PTPRN2: variants seen among roughly 807,000 people sequenced by gnomAD.
PTPRN2 encodes the protein receptor-type tyrosine-protein phosphatase N2.
Under a neutral mutation model 118.8 loss-of-function variants are expected in PTPRN2, and 74 were observed. The observed-to-expected ratio is 0.62, with a 90% CI of 0.52 to 0.76. PTPRN2 has a LOEUF of 0.76. Ranked by LOEUF, PTPRN2 falls within the 30% of genes least tolerant of loss-of-function variation. The pLI, the probability that PTPRN2 is intolerant of heterozygous loss-of-function variation, is 0.00. For missense variants in PTPRN2, 1,481 were observed against 1,394.4 expected (o/e 1.06, Z -0.99); for synonymous variants, 641 against 608.0 (o/e 1.05, Z -0.80).
chr7:157,900,498 C>T (rs191616073), intron 11 of PTPRN2, among the ~76,000 whole-genome samples: 12 of 152,330 alleles, frequency 7.9e-5, no homozygotes, highest in East Asian at 5.8e-4. Context: ...CCAGACACTT[C>T]GGTGGCCCTT....
At chr7:158,066,709 C>CGTA (rs1160215825) in intron 11 of PTPRN2, among the ~76,000 whole-genome samples, 1 of 152,040 alleles carries the variant, frequency 6.6e-6, no homozygotes, top group African/African-American at 2.4e-5. Context: ...CGAATACATC[C>CGTA]TTACCCAGAT....
intron 12 of PTPRN2, among the ~76,000 whole-genome samples, chr7:157,892,048 C>T (rs1161552155): frequency 1.3e-5 from 2 of 152,174 alleles, no homozygotes; most frequent in Non-Finnish European, 2.9e-5. Flanking sequence ...CAGGGCACCT[C>T]TGTGTCTATC....
chr7:157,933,615 G>A (rs1362901086), intron 11 of PTPRN2, among the ~76,000 whole-genome samples: 2 of 143,644 alleles, frequency 1.4e-5, no homozygotes, highest in African/African-American at 2.6e-5. Context: ...TTTTAGTGGA[G>A]GGATGAGTCA....
chr7:158,176,384 G>C (rs1824211293), intron 5 of PTPRN2, among the ~76,000 whole-genome samples: 1 of 152,170 alleles, frequency 6.6e-6, no homozygotes, highest in South Asian at 2.1e-4. Flanking sequence ...GTACAGACAT[G>C]ATTACCCACA....
rs1238656479 is a variant in PTPRN2, at chr7:157,671,289, C to T, written c.2001+11436G>A. Among the ~76,000 whole-genome samples the T allele has an allele frequency of 3.3e-5, 5 of 152,094 alleles. No individual in the cohort carries two copies. The highest frequency in any genetic ancestry group is 7.4e-5 in the Non-Finnish European group (5 of 68,006). On this transcript the variant is annotated intron_variant, in intron 13 of 22. Coordinates refer to ENST00000389418, the MANE Select transcript of PTPRN2 (RefSeq NM_002847.5). The surrounding 1 kb of genome is among the most constrained non-coding windows in gnomAD (Gnocchi z 4.1). ...CTGGTCTGGTGTGGGCAACAAGGCC[C>T]GCTCTGCACCCAGGCCTGCCTCCAT...
At chr7:157,792,807 T>C (rs1804601374) in intron 12 of PTPRN2, among the ~76,000 whole-genome samples, 1 of 152,172 alleles carries the variant, frequency 6.6e-6, no homozygotes, top group African/African-American at 2.4e-5. Flanking sequence ...GCTTGGGTAC[T>C]TCTTATTCAT....
rs148945316 is a variant in PTPRN2 at position 158,364,006 on chromosome 7, G to C, written c.164-47074C>G. ...CCCCAGACATCGCCTCCTGCCGGACGCTGTTTCATTCTTCTCTTTGAAAGG... is the reference window on the plus strand; with the variant it reads ...CCCCAGACATCGCCTCCTGCCGGACCCTGTTTCATTCTTCTCTTTGAAAGG... On this transcript the variant is annotated intron_variant, in intron 2 of 22. Transcript: ENST00000389418. Among the ~76,000 whole-genome samples, 6 of 152,284 alleles carry C rather than the reference G, an allele frequency of 3.9e-5. No individual in the cohort carries two copies. In the East Asian group the frequency reaches 9.7e-4, roughly 25 times the overall value.
intron 3 of PTPRN2, among the ~76,000 whole-genome samples, chr7:158,289,637 C>T (rs116170419): frequency 0.014 from 2,081 of 152,138 alleles, 45 homozygotes; most frequent in African/African-American, 0.048. Context: ...TTTGAATTAT[C>T]GGGCCATTTG....
intron 2 of PTPRN2, among the ~76,000 whole-genome samples, chr7:158,337,593 TCACACCCACACTCTCACCATAA>T (rs1563168072): frequency 6.0e-5 from 6 of 100,824 alleles, no homozygotes; most frequent in Non-Finnish European, 1.3e-4. Context: ...CAGACGTCAC[TCACACCCACACTCTCACCATAA>T]GAGGAGACAC....
chr7:157,820,779 G>T (rs1202128327), intron 12 of PTPRN2, among the ~76,000 whole-genome samples: 2 of 152,226 alleles, frequency 1.3e-5, no homozygotes, highest in African/African-American at 4.8e-5. Context: ...AAACCCATGA[G>T]AATGATCTTG....
chr7:157,745,587 C>T (rs984103043), intron 12 of PTPRN2, among the ~76,000 whole-genome samples: 5 of 152,094 alleles, frequency 3.3e-5, no homozygotes, highest in Admixed American at 1.3e-4. Context: ...TGATATTTAT[C>T]TCCCCAAAAC....
intron 2 of PTPRN2, among the ~76,000 whole-genome samples, chr7:158,400,895 C>A (rs1157003002): frequency 6.6e-6 from 1 of 151,940 alleles, no homozygotes; most frequent in Non-Finnish European, 1.5e-5. Flanking sequence ...CCCCGTCCCA[C>A]CCCCCGCATT....
intron 2 of PTPRN2, among the ~76,000 whole-genome samples, chr7:158,326,963 G>A (rs1428983354): frequency 1.6e-4 from 22 of 139,480 alleles, no homozygotes; most frequent in Non-Finnish European, 3.1e-4. Context: ...ATGCACACAC[G>A]CACACATTCA....
intron 1 of PTPRN2, among the ~76,000 whole-genome samples, chr7:158,514,454 T>C (rs1823393648): frequency 6.6e-6 from 1 of 152,148 alleles, no homozygotes; most frequent in Admixed American, 6.5e-5. Flanking sequence ...CAGATGTTTG[T>C]GATGCAATTA....
chr7:157,642,841 AAAAG>A (rs1336218262), intron 14 of PTPRN2, among the ~76,000 whole-genome samples: 2 of 147,786 alleles, frequency 1.4e-5, no homozygotes, highest in East Asian at 2.0e-4. Context: ...AAAAAAAAAA[AAAAG>A]CAGCTAAAAC....
At chr7:158,245,203 AAT>A (rs1796153115) in intron 3 of PTPRN2, among the ~76,000 whole-genome samples, 1 of 99,900 alleles carries the variant, frequency 1.0e-5, no homozygotes, top group Non-Finnish European at 2.2e-5. Flanking sequence ...GTCATGCTGG[AAT>A]CCACGGTCAT....
chr7:158,145,415 T>G (rs1173407613), intron 6 of PTPRN2, among the ~76,000 whole-genome samples: 1 of 152,190 alleles, frequency 6.6e-6, no homozygotes, highest in African/African-American at 2.4e-5. Context: ...CGTGGTACAG[T>G]GAGCGCCACA....
chr7:158,587,620 G>C lies in PTPRN2; in HGVS notation c.50C>G (p.Pro17Arg). ...CGAAGGGGCGGCAGGCAGGACGCGTGGCGGCAGCAGCAGCAGTAGCAGCAG... is the reference window on the plus strand; with the variant it reads ...CGAAGGGGCGGCAGGCAGGACGCGTCGCGGCAGCAGCAGCAGTAGCAGCAG... ...LLLLLLLLLP[P>R]RVLPAAPSSV... Residue 17 changes from proline (P) to arginine (R), a missense_variant, in exon 1 of 23, where the codon CCA becomes CGA. Physicochemically the swap from Pro to Arg is moderately radical, Grantham distance 103. Coordinates refer to ENST00000389418, the MANE Select transcript of PTPRN2 (RefSeq NM_002847.5). 1 of 1,361,688 alleles carries C rather than the reference G, an allele frequency of 7.3e-7. No homozygotes were observed. Among genetic ancestry groups the C allele is most frequent in the Non-Finnish European group, 9.4e-7 (1 of 1,063,280 alleles). 84.4% of individuals were successfully genotyped at this position (1,361,688 alleles called of 1,614,324 possible).
At chr7:158,327,402 CAT>C (rs1803722116) in intron 2 of PTPRN2, among the ~76,000 whole-genome samples, 1 of 152,030 alleles carries the variant, frequency 6.6e-6, no homozygotes, top group Non-Finnish European at 1.5e-5. Flanking sequence ...CATGCTCACA[CAT>C]GCTCACACAT....
Sources: allele counts gnomAD v4.1 joint callset (sites outside exome capture counted in the v4.1 genomes callset), GRCh38; gene constraint gnomAD v4.1.1; non-coding constraint Gnocchi (gnomAD v3.1); transcripts MANE v1.5; gene names NCBI Gene and HGNC (gene_info 2026-07-23, HGNC 2026-07-21).